GALNT5: variants seen among roughly 807,000 people sequenced by gnomAD.
The protein encoded by GALNT5 is UDP-GalNAc:polypeptide N-acetylgalactosaminyltransferase 5.
Under a neutral mutation model 85.4 loss-of-function variants are expected in GALNT5, and 72 were observed. That is an observed-to-expected ratio of 0.84 (90% CI 0.70 to 1.03). The LOEUF is 1.03. GALNT5 is among the 50% of genes least tolerant of loss of function. The pLI is 0.00. For missense variants in GALNT5, 1,137 were observed against 1,135.5 expected (o/e 1.00, Z -0.02); for synonymous variants, 404 against 397.0 (o/e 1.02, Z -0.21).
At chr2:157,295,029 A>G (rs1235229056) in intron 3 of GALNT5, among the ~76,000 whole-genome samples, 1 of 151,760 alleles carries the variant, frequency 6.6e-6, no homozygotes, top group Non-Finnish European at 1.5e-5. Context: ...ATAAAAATGT[A>G]CCATCTTAAC....
In GALNT5 at chr2:157,312,332, T is replaced by C. The variant is rs1683593029; in HGVS notation, c.*984T>C. The C allele has an allele frequency of 1.3e-5, 2 of 151,956 alleles. No individual in the cohort carries two copies. Among genetic ancestry groups the C allele is most frequent in the South Asian group, 4.2e-4 (2 of 4,816 alleles). The allele number at this position is 151,956 out of a possible 1,614,324, so 9.4% of individuals were successfully genotyped here. On this transcript the variant is annotated 3_prime_UTR_variant, in exon 10 of 10. Transcript: ENST00000259056. The stretch of plus-strand genomic sequence containing the variant: ...GATGAAATATGCGAAAAATGGGTTC[T>C]AAAATATTTCAAAGGGAAAATGAAG...
rs964321830 is a variant in GALNT5 at position 157,313,102 on chromosome 2, A to G, written c.*1754A>G. 1 of 152,198 alleles carries G rather than the reference A, an allele frequency of 6.6e-6. No individual in the cohort carries two copies. The highest frequency in any genetic ancestry group is 1.5e-5 in the Non-Finnish European group (1 of 68,008). The allele number at this position is 152,198 out of a possible 1,614,324, so 9.4% of individuals were successfully genotyped here. A position where few individuals can be genotyped will look rare whatever the true frequency, so the allele number is the denominator to read the frequency against. On this transcript the variant is annotated 3_prime_UTR_variant, in exon 10 of 10. Coordinates refer to ENST00000259056, the MANE Select transcript of GALNT5 (RefSeq NM_014568.3). ...CAGATGAGTAAGAGAATGACTAGGA[A>G]ATGAGATACAGTTATATGACACATA...
intron 1 of GALNT5, among the ~76,000 whole-genome samples, chr2:157,272,740 G>T (rs1419987229): frequency 6.6e-6 from 1 of 152,176 alleles, no homozygotes; most frequent in African/African-American, 2.4e-5. Context: ...AGGATTCCAT[G>T]ATATATATGT....
intron 8 of GALNT5, among the ~76,000 whole-genome samples, chr2:157,307,770 T>C (rs1683484177): frequency 6.6e-6 from 1 of 152,224 alleles, no homozygotes; most frequent in African/African-American, 2.4e-5. Context: ...AGAAGCCTAT[T>C]TTTTTCAAAT....
chr2:157,294,198 TC>T (rs1683159544), intron 3 of GALNT5, among the ~76,000 whole-genome samples: 2 of 152,160 alleles, frequency 1.3e-5, no homozygotes. Flanking sequence ...CAAGCCTTAA[TC>T]CCTTACTGCA....
chr2:157,274,029 G>C (rs1475969512), intron 1 of GALNT5, among the ~76,000 whole-genome samples: 1 of 151,866 alleles, frequency 6.6e-6, no homozygotes, highest in African/African-American at 2.4e-5. Flanking sequence ...TTGTGTCCAA[G>C]TGTTCTCATT....
At chr2:157,264,542 C>G (rs940153600) in intron 1 of GALNT5, among the ~76,000 whole-genome samples, 6 of 152,132 alleles carry the variant, frequency 3.9e-5, no homozygotes, top group Non-Finnish European at 8.8e-5. Context: ...TCTCTTAGCC[C>G]AGAGCCAGGA....
chr2:157,268,640 T>C (rs1682511038), intron 1 of GALNT5, among the ~76,000 whole-genome samples: 1 of 152,230 alleles, frequency 6.6e-6, no homozygotes, highest in Non-Finnish European at 1.5e-5. Flanking sequence ...ACTAAAAACT[T>C]AGTCTCTTGT....
intron 3 of GALNT5, among the ~76,000 whole-genome samples, chr2:157,288,183 T>C (rs1683018230): frequency 6.6e-6 from 1 of 152,216 alleles, no homozygotes; most frequent in African/African-American, 2.4e-5. Context: ...AGTTTAATTT[T>C]CTCATAACTG....
At position 157,258,247 on chromosome 2, in the gene GALNT5, A is replaced by G. The variant is rs150999331; in HGVS notation, c.165A>G (p.Ile55Met). 3.2e-5 allele frequency: 51 copies of G among 1,612,154 alleles called. No individual in the cohort carries two copies. In the East Asian group the frequency reaches 8.0e-4, roughly 25 times the overall value. The change falls in exon 1 of 10, where the codon ATA becomes ATG. Residue 55 changes from isoleucine (I) to methionine (M), a missense_variant. By Grantham distance (10) the Ile-to-Met change is conservative. Coordinates refer to ENST00000259056, the MANE Select transcript of GALNT5 (RefSeq NM_014568.3). ...AAGACATTGTGAGGAGGGAGCGGAT[A>G]GGATTCAGAGTTCAGCCAGACCAAG... ...IKEDIVRRER[I>M]GFRVQPDQGK... is the part of the protein sequence containing the mutation.
chr2:157,317,662 T>C lies in GALNT5; in HGVS notation c.*6314T>C, dbSNP rs1190073288. Among the ~76,000 whole-genome samples, 1 of 152,164 alleles carries C rather than the reference T, an allele frequency of 6.6e-6. No homozygotes were observed. Among genetic ancestry groups the C allele is most frequent in the Non-Finnish European group, 1.5e-5 (1 of 67,994 alleles). ...TGCATCTGATCGACTGAAGTTATTA[T>C]AAAGAAGGAATCAAGTATGTAACTT... On this transcript the variant is annotated 3_prime_UTR_variant, in exon 10 of 10. Transcript: ENST00000259056.
At chr2:157,261,059 C>T (rs1326717671) in intron 1 of GALNT5, among the ~76,000 whole-genome samples, 1 of 152,174 alleles carries the variant, frequency 6.6e-6, no homozygotes, top group African/African-American at 2.4e-5. Context: ...CAAAAAGGAT[C>T]CTAAAAATTG....
chr2:157,262,892 A>G (rs1682378295), intron 1 of GALNT5, among the ~76,000 whole-genome samples: 1 of 127,396 alleles, frequency 7.8e-6, no homozygotes, highest in Non-Finnish European at 1.5e-5. Flanking sequence ...CAGTGGTGCG[A>G]TCTCGGCTCA....
At chr2:157,308,185 C>A (rs1402234714) in intron 8 of GALNT5, among the ~76,000 whole-genome samples, 1 of 152,226 alleles carries the variant, frequency 6.6e-6, no homozygotes, top group Non-Finnish European at 1.5e-5. Flanking sequence ...CATTCCAATT[C>A]TTTAAGCACC....
Position 157,259,211 on chromosome 2 carries a change from C to T in GALNT5, c.1129C>T (p.Pro377Ser), listed in dbSNP as rs777103368. Reference protein sequence around the residue: ...SSSSLAPHRVPLSQTNHALTG... With the variant: ...SSSSLAPHRVSLSQTNHALTG... ...CTCTTCACTTGCTCCACATAGAGTGCCACTGTCCCAAACTAACCATGCTTT... is the reference window on the plus strand; with the variant it reads ...CTCTTCACTTGCTCCACATAGAGTGTCACTGTCCCAAACTAACCATGCTTT... The change falls in exon 1 of 10, where the codon CCA (proline) becomes TCA (serine). Residue 377 changes from proline to serine, a missense_variant. Physicochemically the swap from Pro to Ser is moderately conservative, Grantham distance 74 (BLOSUM62 -1). Transcript: ENST00000259056. 3.2e-6 allele frequency: 5 copies of T among 1,585,598 alleles called. No homozygotes were observed. Among genetic ancestry groups the T allele is most frequent in the South Asian group, 2.3e-5 (2 of 85,626 alleles).
Position 157,296,401 on chromosome 2 carries a change from A to G in GALNT5, c.1885A>G (p.Thr629Ala). 1 of 1,608,896 alleles carries G rather than the reference A, an allele frequency of 6.2e-7. No homozygotes were observed. Reference sequence around the variant, plus strand: ...TTTCATTTCCTGGATTAGTTACATGACAGTGGATAACTTTCAAAGAGGCAT... The same window carrying G: ...TTTCATTTCCTGGATTAGTTACATGGCAGTGGATAACTTTCAAAGAGGCAT... ...VINDKDMSYM[T>A]VDNFQRGIFV... Residue 629 changes from threonine (T) to alanine (A), a missense_variant, in exon 5 of 10, where the codon ACA (threonine) becomes GCA (alanine). Transcript: ENST00000259056.
intron 3 of GALNT5, among the ~76,000 whole-genome samples, chr2:157,291,322 G>A (rs940449706): frequency 4.6e-5 from 7 of 152,100 alleles, no homozygotes; most frequent in African/African-American, 1.7e-4. Context: ...TTAAGTAACT[G>A]GACAAGTGAC....
chr2:157,311,389 T>C lies in GALNT5; in HGVS notation c.*41T>C. 2.3e-6 allele frequency: 3 copies of C among 1,310,856 alleles called. No homozygotes were observed. Among genetic ancestry groups the C allele is most frequent in the South Asian group, 1.4e-5 (1 of 73,884 alleles). The allele number at this position is 1,310,856 out of a possible 1,614,324, so 81.2% of individuals were successfully genotyped here. Reference sequence around the variant, plus strand: ...TTTATATAGTAAACCCATTAAATACTGTGAAAATAACACTGAACTTGGAAA... The same window carrying C: ...TTTATATAGTAAACCCATTAAATACCGTGAAAATAACACTGAACTTGGAAA... On this transcript the variant is annotated 3_prime_UTR_variant, in exon 10 of 10. Coordinates refer to ENST00000259056, the MANE Select transcript of GALNT5 (RefSeq NM_014568.3).
Position 157,259,008 on chromosome 2 carries a change from G to C in GALNT5, c.926G>C (p.Gly309Ala). The change falls in exon 1 of 10, where the codon GGG (glycine) becomes GCG (alanine). Residue 309 changes from glycine (G) to alanine (A), a missense_variant. Physicochemically the swap from Gly to Ala is moderately conservative, Grantham distance 60 (BLOSUM62 0). Coordinates refer to ENST00000259056, the MANE Select transcript of GALNT5 (RefSeq NM_014568.3). ...GSLSKDDGAR[G>A]AHGKKLNFSE... ...TTGTCAAAGGATGATGGAGCTAGAG[G>C]GGCTCATGGGAAGAAACTCAATTTC... is the stretch of plus-strand genomic sequence containing the variant. 2 of 1,483,494 alleles carry C rather than the reference G, an allele frequency of 1.3e-6. No homozygotes were observed. The highest frequency in any genetic ancestry group is 2.3e-5 in the East Asian group (1 of 43,546). 91.9% of individuals were successfully genotyped at this position (1,483,494 alleles called of 1,614,324 possible).
Sources: gnomAD v4.1 joint callset for allele counts (sites outside exome capture counted in the v4.1 genomes callset) on GRCh38, gnomAD v4.1.1 for gene constraint, MANE v1.5 for transcripts, NCBI Gene and HGNC (gene_info 2026-07-23, HGNC 2026-07-21) for gene names.